CASQ2: variants seen among roughly 807,000 people sequenced by gnomAD.
The protein encoded by CASQ2 is calsequestrin 2.
A neutral mutation model predicts 46.5 loss-of-function variants in CASQ2; 49 were observed. The observed-to-expected ratio is 1.05, with a 90% CI of 0.84 to 1.34. The LOEUF (loss-of-function observed/expected upper bound fraction) is 1.34. Ranked by LOEUF, CASQ2 falls within the 40% of genes most tolerant of loss-of-function variation. The pLI, the probability that CASQ2 is intolerant of heterozygous loss-of-function variation, is 0.00. For synonymous variants in CASQ2, 174 were observed against 168.5 expected (o/e 1.03, Z -0.25); for missense variants, 486 against 481.3 (o/e 1.01, Z -0.09).
At chr1:115,702,229 C>A (rs1306105730) in intron 10 of CASQ2, among the ~76,000 whole-genome samples, 2 of 152,156 alleles carry the variant, frequency 1.3e-5, no homozygotes, top group Admixed American at 1.3e-4. Context: ...GCTTGGCCCC[C>A]ATTCTTAAGA....
At position 115,709,486 on chromosome 1, in the gene CASQ2, A is replaced by T. The variant is rs57034194; in HGVS notation, c.839-4194T>A. Among the ~76,000 whole-genome samples, 26 of 152,116 alleles carry T rather than the reference A, an allele frequency of 1.7e-4. 1 individual carries two copies. The highest frequency in any genetic ancestry group is 2.4e-4 in the Non-Finnish European group (16 of 68,030). On this transcript the variant is annotated intron_variant, in intron 8 of 10. Coordinates refer to ENST00000261448, the MANE Select transcript of CASQ2 (RefSeq NM_001232.4). Reference sequence around the variant, plus strand: ...AGTAATATAGCCTATACTTCAAAAAACTGTATAGAGAAAAGGGGGAAGTAC... The same window carrying T: ...AGTAATATAGCCTATACTTCAAAAATCTGTATAGAGAAAAGGGGGAAGTAC...
chr1:115,724,746 T>G (rs1647514401), intron 7 of CASQ2, among the ~76,000 whole-genome samples: 1 of 152,188 alleles, frequency 6.6e-6, no homozygotes, highest in African/African-American at 2.4e-5. Flanking sequence ...TATAGTGAAC[T>G]CTTCATATTC....
chr1:115,705,389 C>T (rs749271134), intron 8 of CASQ2, 97 bp from the exon 9 acceptor site: 4 of 772,506 alleles, frequency 5.2e-6, no homozygotes, highest in Non-Finnish European at 9.2e-6. Flanking sequence ...CTTCTTAGGA[C>T]ATTTGGTGCT....
At chr1:115,760,206 G>A (rs1648890842) in intron 1 of CASQ2, among the ~76,000 whole-genome samples, 2 of 152,136 alleles carry the variant, frequency 1.3e-5, no homozygotes, top group African/African-American at 4.8e-5. Context: ...ATGATCCAAA[G>A]GTCAAACAGG....
At chr1:115,717,706 G>C (rs753914610) in intron 8 of CASQ2, 134 bp downstream of exon 8, 1 of 773,848 alleles carries the variant, frequency 1.3e-6, no homozygotes, top group Non-Finnish European at 2.3e-6. Context: ...CTTAATGGGC[G>C]ACCACCAGGG....
intron 1 of CASQ2, among the ~76,000 whole-genome samples, chr1:115,761,411 G>T (rs1207162691): frequency 0.013 from 1 of 76 alleles, no homozygotes; most frequent in Non-Finnish European, 0.022. Context: ...AAAAGAAGAA[G>T]AAGAAGAAGA....
chr1:115,764,189 C>G (rs369300466), intron 1 of CASQ2, among the ~76,000 whole-genome samples: 1 of 151,690 alleles, frequency 6.6e-6, no homozygotes, highest in East Asian at 1.9e-4. Context: ...CAATGAAAAG[C>G]GAAGATTTTT....
At chr1:115,757,880 A>G (rs187729230) in intron 1 of CASQ2, among the ~76,000 whole-genome samples, 3 of 152,270 alleles carry the variant, frequency 2.0e-5, no homozygotes, top group Admixed American at 6.5e-5. Context: ...AGTATAAGCA[A>G]TTTATTTCTA....
At chr1:115,756,010 C>T (rs1648748423) in intron 1 of CASQ2, among the ~76,000 whole-genome samples, 2 of 152,212 alleles carry the variant, frequency 1.3e-5, no homozygotes, top group Non-Finnish European at 2.9e-5. Context: ...GCTTCACTCC[C>T]TTCATAAATC....
At chr1:115,738,180 A>G (rs1428097253) in intron 4 of CASQ2, 44 bp downstream of exon 4, 3 of 1,187,970 alleles carry the variant, frequency 2.5e-6, no homozygotes, top group South Asian at 2.4e-5. Flanking sequence ...CTTGTTTGGA[A>G]TCTAGCTTTT....
chr1:115,702,512 G>A (rs1218110356), intron 10 of CASQ2, among the ~76,000 whole-genome samples: 3 of 152,214 alleles, frequency 2.0e-5, no homozygotes, highest in Admixed American at 6.5e-5. Context: ...TCTCCTGCCT[G>A]TAGAGTAGTT....
intron 1 of CASQ2, among the ~76,000 whole-genome samples, chr1:115,758,513 G>T (rs75102386): frequency 6.6e-6 from 1 of 152,160 alleles, no homozygotes; most frequent in African/African-American, 2.4e-5. Context: ...TAGTTTGGAC[G>T]TTTTTCCCTC....
rs1313907477 is a variant in CASQ2 at position 115,768,328 on chromosome 1, G to A, written c.214C>T (p.Leu72=). 7.4e-6 allele frequency: 12 copies of A among 1,612,754 alleles called. No individual in the cohort carries two copies. Among genetic ancestry groups the A allele is most frequent in the Non-Finnish European group, 1.0e-5 (12 of 1,178,848 alleles). ...SDKVTQKQFQ[L]KEIVLELVAQ... is the part of the protein sequence containing the mutation. ...CTTACCTCAAGCACGATTTCTTTCA[G>A]TTGGAACTGTTTTTGCGTGACCTTA... Residue 72 remains leucine (L), a synonymous_variant, in exon 1 of 11, where the codon CTG becomes TTG. Transcript: ENST00000261448.
chr1:115,767,222 C>T (rs1260070574), intron 1 of CASQ2, among the ~76,000 whole-genome samples: 1 of 152,130 alleles, frequency 6.6e-6, no homozygotes, highest in African/African-American at 2.4e-5. Flanking sequence ...AAAATAAAGT[C>T]TTAATAACTA....
chr1:115,719,367 A>C (rs918901928), intron 7 of CASQ2, among the ~76,000 whole-genome samples: 1 of 152,250 alleles, frequency 6.6e-6, no homozygotes, highest in Admixed American at 6.5e-5. Flanking sequence ...TCATTAGGCT[A>C]GCCTGTGTCT....
intron 2 of CASQ2, among the ~76,000 whole-genome samples, chr1:115,742,272 TGG>T (rs1648211711): frequency 2.0e-5 from 3 of 152,060 alleles, no homozygotes; most frequent in Non-Finnish European, 4.4e-5. Flanking sequence ...ACACCGTGTC[TGG>T]CCCTGCCAGA....
intron 8 of CASQ2, among the ~76,000 whole-genome samples, chr1:115,711,592 GA>G: frequency 6.9e-6 from 1 of 144,454 alleles, no homozygotes; most frequent in East Asian, 2.0e-4. Flanking sequence ...CTCATTTTAA[GA>G]TTTTTTTTTT....
chr1:115,757,984 T>G (rs974100653), intron 1 of CASQ2, among the ~76,000 whole-genome samples: 8 of 152,190 alleles, frequency 5.3e-5, no homozygotes, highest in Non-Finnish European at 1.0e-4. Flanking sequence ...TTGGCTCGCA[T>G]TAGTCATTTA....
intron 8 of CASQ2, among the ~76,000 whole-genome samples, chr1:115,713,367 C>G (rs1040748213): frequency 5.9e-5 from 9 of 152,188 alleles, no homozygotes; most frequent in African/African-American, 2.2e-4. Context: ...AATGTCCTTC[C>G]CAGCCAGGCC....
Sources: gnomAD v4.1 joint callset for allele counts (sites outside exome capture counted in the v4.1 genomes callset) on GRCh38, gnomAD v4.1.1 for gene constraint, MANE v1.5 for transcripts, NCBI Gene and HGNC (gene_info 2026-07-23, HGNC 2026-07-21) for gene names.